STS: variants seen among roughly 807,000 people sequenced by gnomAD.
STS encodes the protein steryl-sulfatase.
Under a neutral mutation model 26.8 loss-of-function variants are expected in STS, and 7 were observed. The ratio of observed to expected loss-of-function variants is 0.26; its 90% CI spans 0.15 to 0.49. The LOEUF (loss-of-function observed/expected upper bound fraction) is 0.49, where lower values mean the gene tolerates loss of function less well. Ranked by LOEUF, STS falls within the 20% of genes least tolerant of loss-of-function variation. The pLI is 0.98. For synonymous variants in STS, 199 were observed against 189.4 expected, an observed-to-expected ratio of 1.05 and a Z score of -0.42; for missense variants, 434 against 465.6, an observed-to-expected ratio of 0.93 and a Z score of 0.63.
chrX:7,147,549 A>T (rs1268004492), upstream of STS, among the ~76,000 whole-genome samples: 2 of 112,302 alleles, frequency 1.8e-5, no homozygotes, highest in African/African-American at 6.5e-5. Flanking sequence ...AACCGCTACC[A>T]TGCAGGATGC....
intron 2 of STS, among the ~76,000 whole-genome samples, chrX:7,201,612 C>T (rs1306306534): frequency 1.8e-5 from 2 of 109,524 alleles, no homozygotes; most frequent in Non-Finnish European, 3.8e-5. Context: ...GTTCTTTCAT[C>T]ACATCCATTT....
intron 2 of STS, among the ~76,000 whole-genome samples, chrX:7,201,795 C>T (rs2147026662): frequency 9.0e-6 from 1 of 111,078 alleles, no homozygotes; most frequent in East Asian, 2.8e-4. Flanking sequence ...TTCAGGGATA[C>T]AAGAACAGAG....
At chrX:7,149,596 G>A (rs1369729250) in intron 1 of STS, among the ~76,000 whole-genome samples, 2 of 111,969 alleles carry the variant, frequency 1.8e-5, no homozygotes, top group African/African-American at 6.5e-5. Flanking sequence ...ACAGTCGTTC[G>A]TGGTTTCTGT....
At chrX:7,269,542 A>G (rs1168775933) in intron 6 of STS, among the ~76,000 whole-genome samples, 3 of 110,039 alleles carry the variant, frequency 2.7e-5, no homozygotes, top group African/African-American at 1.0e-4. Context: ...TGGGGCATTT[A>G]AGACAGCTTA....
intron 10 of STS, among the ~76,000 whole-genome samples, chrX:7,342,658 C>T (rs1344598153): frequency 8.9e-6 from 1 of 112,198 alleles, no homozygotes; most frequent in Non-Finnish European, 1.9e-5. Flanking sequence ...TATCTACTGT[C>T]ATCGATTATA....
chrX:7,221,803 C>T (rs560583381), intron 2 of STS, among the ~76,000 whole-genome samples: 11 of 112,162 alleles, frequency 9.8e-5, no homozygotes, highest in Admixed American at 7.5e-4. Flanking sequence ...AAATGTTTAT[C>T]GGTGGACATT....
At chrX:7,197,908 C>T (rs1332839373) in intron 2 of STS, among the ~76,000 whole-genome samples, 1 of 111,780 alleles carries the variant, frequency 8.9e-6, no homozygotes, top group East Asian at 2.8e-4. Flanking sequence ...TAGTAAATAA[C>T]TGCTAAATAC....
At chrX:7,195,186 C>T (rs1285252459) in intron 2 of STS, among the ~76,000 whole-genome samples, 1 of 111,796 alleles carries the variant, frequency 8.9e-6, no homozygotes, top group Non-Finnish European at 1.9e-5. Context: ...GTATTCAGCA[C>T]GTGGGAGATT....
intron 1 of STS, among the ~76,000 whole-genome samples, chrX:7,169,916 C>T (rs1372924742): frequency 1.8e-5 from 2 of 108,885 alleles, no homozygotes; most frequent in South Asian, 4.1e-4. Flanking sequence ...GGGGTGGGTG[C>T]GGTTCCCAGA....
intron 2 of STS, among the ~76,000 whole-genome samples, chrX:7,214,989 TACGTATATATAC>T (rs1569191535): frequency 3.7e-5 from 3 of 81,209 alleles, no homozygotes; most frequent in Admixed American, 1.7e-4. Flanking sequence ...TACATATATA[TACGTATATATAC>T]ATATATACGT....
At chrX:7,297,872 G>C (rs1176833287) in intron 7 of STS, among the ~76,000 whole-genome samples, 1 of 111,433 alleles carries the variant, frequency 9.0e-6, no homozygotes, top group Non-Finnish European at 1.9e-5. Flanking sequence ...TCAGGAAGTA[G>C]ATACAGTATG....
rs190220650 is a variant in STS, at chrX:7,213,581, G to A, written c.-5+22573G>A. Among the ~76,000 whole-genome samples the A allele has an allele frequency of 5.4e-5, 6 of 111,564 alleles. No individual in the cohort carries two copies. In the East Asian group the frequency reaches 1.4e-3, roughly 26 times the overall value. On this transcript the variant is annotated intron_variant, in intron 2 of 10. Coordinates refer to ENST00000674429, the MANE Select transcript of STS (RefSeq NM_001320752.2). Reference sequence around the variant, plus strand: ...GATGGAGGGGCAGTGTGTCCACTGCGTTTTAGGATTCTTCTTTTCAATCAA... The same window carrying A: ...GATGGAGGGGCAGTGTGTCCACTGCATTTTAGGATTCTTCTTTTCAATCAA...
intron 2 of STS, among the ~76,000 whole-genome samples, chrX:7,223,265 G>A (rs1282326886): frequency 8.9e-6 from 1 of 111,820 alleles, no homozygotes; most frequent in African/African-American, 3.2e-5. Flanking sequence ...GTTCATACCC[G>A]GTAGTGGGAT....
At position 7,294,609 on chromosome X, in the gene STS, A is replaced by G. The variant is rs150817832; in HGVS notation, c.944-10437A>G. Among the ~76,000 whole-genome samples, 573 of 112,117 alleles carry G rather than the reference A, an allele frequency of 5.1e-3. 4 individuals carry two copies. Among genetic ancestry groups the G allele is most frequent in the African/African-American group, 0.017 (527 of 30,878 alleles). On this transcript the variant is annotated intron_variant, in intron 7 of 10. Coordinates refer to ENST00000674429, the MANE Select transcript of STS (RefSeq NM_001320752.2). ...CACAATCTTAGTCATGCGTCTAAAC[A>G]TGGATTACTTAATGTAATCCCTACA... is the stretch of plus-strand genomic sequence containing the variant.
At chrX:7,263,829 A>G (rs965549641) in intron 6 of STS, among the ~76,000 whole-genome samples, 12 of 109,770 alleles carry the variant, frequency 1.1e-4, no homozygotes, top group African/African-American at 4.0e-4. Flanking sequence ...GTGTATATAT[A>G]TGTGTGTGTG....
Position 7,350,461 on chromosome X carries a change from A to G in STS, c.*200A>G, listed in dbSNP as rs1601770590. 1 of 499,161 alleles carries G rather than the reference A, an allele frequency of 2.0e-6. No individual in the cohort carries two copies. Among genetic ancestry groups the G allele is most frequent in the East Asian group, 3.7e-5 (1 of 27,087 alleles). The allele number at this position is 499,161 out of a possible 1,213,427, so 41.1% of individuals were successfully genotyped here. On this transcript the variant is annotated 3_prime_UTR_variant, in exon 11 of 11. Transcript: ENST00000674429. ...GTGAGGGGGATAAGGTCTGTAGTAT[A>G]CAGACAGGAAGATGGTAGGTTTATG... is the stretch of plus-strand genomic sequence containing the variant.
chrX:7,323,245 A>G (rs1450760887), intron 8 of STS, among the ~76,000 whole-genome samples: 1 of 109,341 alleles, frequency 9.1e-6, no homozygotes, highest in Admixed American at 9.8e-5. Context: ...TTTAATTTTT[A>G]GATTCAGTGG....
intron 2 of STS, among the ~76,000 whole-genome samples, chrX:7,211,286 G>T (rs1452650130): frequency 8.9e-6 from 1 of 111,762 alleles, no homozygotes; most frequent in East Asian, 2.8e-4. Context: ...CCCTGCTCAG[G>T]GGATCGCCAG....
At position 7,257,567 on chromosome X, in the gene STS, G is replaced by A. The variant is rs1305164200; in HGVS notation, c.361G>A (p.Gly121Ser). 19 of 1,210,570 alleles carry A rather than the reference G, an allele frequency of 1.6e-5. No homozygotes were observed. The highest frequency in any genetic ancestry group is 2.0e-5 in the Non-Finnish European group (18 of 895,286). ...CTTTGCTAAGCTTCTGAAGGATCAA[G>A]GTTATTCAACAGCACTGATAGGTAT... ...ITFAKLLKDQ[G>S]YSTALIGKWH... The change falls in exon 5 of 11, where the codon GGT becomes AGT. Residue 121 changes from glycine to serine, a missense_variant. Physicochemically the swap from Gly to Ser is moderately conservative, Grantham distance 56. Transcript: ENST00000674429.
Sources: allele counts gnomAD v4.1 joint callset (sites outside exome capture counted in the v4.1 genomes callset), GRCh38; gene constraint gnomAD v4.1.1; transcripts MANE v1.5; gene names NCBI Gene and HGNC (gene_info 2026-07-23, HGNC 2026-07-21).